The following ESRRG variants were observed in gnomAD, a reference collection of about 807,000 sequenced individuals.
The protein encoded by ESRRG is estrogen related receptor gamma.
Under a neutral mutation model 44.0 loss-of-function variants are expected in ESRRG, and 13 were observed. That is an observed-to-expected ratio of 0.30 (90% confidence interval 0.19 to 0.47). The LOEUF is 0.47. Ranked by LOEUF, ESRRG falls within the 20% of genes least tolerant of loss-of-function variation. The pLI, the probability that ESRRG is intolerant of heterozygous loss-of-function variation, is 1.00. For missense variants in ESRRG, 395 were observed against 580.6 expected (o/e 0.68, Z 3.29); for synonymous variants, 215 against 214.6 (o/e 1.00, Z -0.02).
chr1:216,824,691 T>C (rs988420015), intron 2 of ESRRG, among the ~76,000 whole-genome samples: 13 of 152,336 alleles, frequency 8.5e-5, no homozygotes, highest in African/African-American at 3.1e-4. Flanking sequence ...CTATTTCTTA[T>C]AATGATTAAC....
intron 2 of ESRRG, among the ~76,000 whole-genome samples, chr1:216,893,031 T>A (rs1440970279): frequency 6.6e-6 from 1 of 152,168 alleles, no homozygotes; most frequent in African/African-American, 2.4e-5. Flanking sequence ...CTACTCACAA[T>A]CTGGTCCTAA....
chr1:216,765,313 G>C (rs73093982), intron 2 of ESRRG, among the ~76,000 whole-genome samples: 40 of 151,992 alleles, frequency 2.6e-4, no homozygotes, highest in African/African-American at 8.9e-4. Flanking sequence ...TGATGATAAT[G>C]GCTCTATTTA....
At chr1:217,126,112 G>A (rs1198350022) in intron 1 of ESRRG, among the ~76,000 whole-genome samples, 4 of 152,086 alleles carry the variant, frequency 2.6e-5, no homozygotes, top group Non-Finnish European at 5.9e-5. Flanking sequence ...TTGAGTCTCA[G>A]CTCTGCATCC....
chr1:216,880,437 T>C (rs947784512), intron 2 of ESRRG, among the ~76,000 whole-genome samples: 2 of 152,058 alleles, frequency 1.3e-5, no homozygotes, highest in Non-Finnish European at 2.9e-5. Flanking sequence ...AGCATTTATC[T>C]TACAGATGAG....
At chr1:216,855,579 T>A (rs1472458236) in intron 2 of ESRRG, among the ~76,000 whole-genome samples, 1 of 152,162 alleles carries the variant, frequency 6.6e-6, no homozygotes, top group Non-Finnish European at 1.5e-5. Context: ...AAGATGATAC[T>A]GTCAAGGCCG....
chr1:216,902,870 C>T (rs2059247540), intron 2 of ESRRG, among the ~76,000 whole-genome samples: 1 of 152,162 alleles, frequency 6.6e-6, no homozygotes, highest in Non-Finnish European at 1.5e-5. Flanking sequence ...TTACTGTTGA[C>T]ACATTTGGCC....
At chr1:216,821,802 T>G (rs2095303460) in intron 2 of ESRRG, among the ~76,000 whole-genome samples, 2 of 151,622 alleles carry the variant, frequency 1.3e-5, no homozygotes, top group African/African-American at 2.4e-5. Flanking sequence ...AATTTCCTTA[T>G]GATTCAACCT....
In ESRRG at chr1:216,564,357, A is replaced by G. The variant is rs149670038; in HGVS notation, c.724T>C (p.Leu242=). 3 of 1,610,548 alleles carry G rather than the reference A, an allele frequency of 1.9e-6. No individual in the cohort carries two copies. Among genetic ancestry groups the G allele is most frequent in the Non-Finnish European group, 2.5e-6 (3 of 1,178,238 alleles). The part of the protein sequence containing the change: ...KPYNKIVSHL[L]VAEPEKIYAM... ...TAGATCTTCTCCGGTTCAGCCACCA[A>G]CAAATGTGAGACAATCTTGTTATCT... Residue 242 remains leucine, a synonymous_variant, in exon 5 of 7, where the codon TTG becomes CTG. Coordinates refer to ENST00000408911, the MANE Select transcript of ESRRG (RefSeq NM_001438.4).
At chr1:217,015,994 G>C (rs1407961174) in intron 1 of ESRRG, among the ~76,000 whole-genome samples, 1 of 152,082 alleles carries the variant, frequency 6.6e-6, no homozygotes, top group Non-Finnish European at 1.5e-5. Flanking sequence ...GATTTAAAGT[G>C]AGAAAGAAAT....
At chr1:216,721,943 T>G (rs2086410022) in intron 1 of ESRRG, among the ~76,000 whole-genome samples, 1 of 152,192 alleles carries the variant, frequency 6.6e-6, no homozygotes. Flanking sequence ...TAAATCCATC[T>G]CTTGGCTAAT....
In ESRRG at chr1:216,883,386, G is replaced by GAA. The variant is rs11318094; in HGVS notation, c.-14+56194_-14+56195dup. Reference sequence around the variant, plus strand: ...GGGGACAAGAGCGAGACTTCTCTGAGAAAAAAAAAAAAAAAAAAAAAAAAA... The same window carrying GAA: ...GGGGACAAGAGCGAGACTTCTCTGAGAAAAAAAAAAAAAAAAAAAAAAAAAAA... On this transcript the variant is annotated intron_variant, in intron 2 of 7. Coordinates refer to the ESRRG transcript ENST00000359162. Among the ~76,000 whole-genome samples the GAA allele has an allele frequency of 2.3e-3, 171 of 75,848 alleles. 7 individuals are homozygous for GAA. The highest frequency in any genetic ancestry group is 6.3e-3 in the African/African-American group (146 of 23,228). 49.8% of individuals were successfully genotyped at this position (75,848 alleles called of 152,430 possible). A position where few individuals can be genotyped will look rare whatever the true frequency, so the allele number is the denominator to read the frequency against.
chr1:216,649,865 C>G (rs2068522516), intron 3 of ESRRG, among the ~76,000 whole-genome samples: 1 of 152,034 alleles, frequency 6.6e-6, no homozygotes, highest in African/African-American at 2.4e-5. Context: ...AATTATGACA[C>G]CACGTGATGG....
chr1:217,060,907 A>T (rs2151347013), intron 1 of ESRRG, among the ~76,000 whole-genome samples: 1 of 152,222 alleles, frequency 6.6e-6, no homozygotes, highest in Admixed American at 6.6e-5. Context: ...TCTTCTTGAG[A>T]TTGTGGAGAA....
intron 1 of ESRRG, among the ~76,000 whole-genome samples, chr1:217,098,536 T>C (rs1018652261): frequency 6.6e-6 from 1 of 152,106 alleles, no homozygotes; most frequent in African/African-American, 2.4e-5. Flanking sequence ...CCTCAGAAGC[T>C]CCACTGATGA....
chr1:216,673,987 T>A (rs991065079), intron 2 of ESRRG, among the ~76,000 whole-genome samples: 2 of 152,226 alleles, frequency 1.3e-5, no homozygotes, highest in Non-Finnish European at 2.9e-5. Flanking sequence ...ACTGAGAACC[T>A]CTTGCTTATA....
chr1:216,606,357 TA>T (rs888944223), intron 3 of ESRRG, among the ~76,000 whole-genome samples: 1 of 152,206 alleles, frequency 6.6e-6, no homozygotes, highest in Admixed American at 6.5e-5. Flanking sequence ...AATAGGAAAT[TA>T]AACATGTACA....
chr1:216,689,962 GACA>G (rs145009756), intron 1 of ESRRG, among the ~76,000 whole-genome samples: 274 of 152,034 alleles, frequency 1.8e-3, no homozygotes, highest in African/African-American at 6.5e-3. Context: ...TCATAAGACC[GACA>G]ACAATAAATG....
intron 3 of ESRRG, 47 bp downstream of exon 3, chr1:216,650,926 C>T (rs768973514): frequency 5.6e-6 from 7 of 1,250,512 alleles, no homozygotes; most frequent in Non-Finnish European, 7.1e-6. Flanking sequence ...TGCCTCCCAT[C>T]CCCACAGCAA....
At chr1:216,706,803 TA>T (rs774150759) in intron 1 of ESRRG, among the ~76,000 whole-genome samples, 203 of 152,276 alleles carry the variant, frequency 1.3e-3, no homozygotes, top group Admixed American at 4.2e-3. Context: ...ATCATCTAAT[TA>T]AAAACATCTA....
Sources: gnomAD v4.1 joint callset for allele counts (sites outside exome capture counted in the v4.1 genomes callset) on GRCh38, gnomAD v4.1.1 for gene constraint, MANE v1.5 for transcripts, NCBI Gene and HGNC (gene_info 2026-07-23, HGNC 2026-07-21) for gene names.